Variants in AKAP9 observed in about 807,000 individuals in gnomAD.
AKAP9 encodes the protein A-kinase anchor protein 9.
A neutral mutation model predicts 488.5 loss-of-function variants in AKAP9; 311 were observed. That is an observed-to-expected ratio of 0.64 (90% CI 0.58 to 0.70). AKAP9 has a LOEUF of 0.70. Ranked by LOEUF, AKAP9 falls within the 30% of genes least tolerant of loss-of-function variation. The probability of loss-of-function intolerance (pLI) is 0.00; values close to 1 mark genes in which losing one functional copy is unlikely to be tolerated. For synonymous variants in AKAP9, 1,462 were observed against 1,483.5 expected, an observed-to-expected ratio of 0.99 and a Z score of 0.33; for missense variants, 4,215 against 4,374.5, an observed-to-expected ratio of 0.96 and a Z score of 1.03.
intron 1 of AKAP9, among the ~76,000 whole-genome samples, chr7:91,972,871 G>A (rs1188042626): frequency 6.6e-6 from 1 of 152,196 alleles, no homozygotes; most frequent in African/African-American, 2.4e-5. Flanking sequence ...ATTAAGGGCT[G>A]GAAAGCACTG....
At position 91,988,297 on chromosome 7, in the gene AKAP9, CAAAAAAAA is replaced by C; in HGVS notation, c.352-3840_352-3833del. 3.7e-5 allele frequency among the ~76,000 whole-genome samples: 2 copies of C among 53,674 alleles called. 1 individual carries two copies. The highest frequency in any genetic ancestry group is 4.6e-4 in the Admixed American group (2 of 4,392). 35.2% of individuals were successfully genotyped at this position (53,674 alleles called of 152,430 possible). A position where few individuals can be genotyped will look rare whatever the true frequency, so the allele number is the denominator to read the frequency against. On this transcript the variant is annotated intron_variant, in intron 3 of 49. Coordinates refer to ENST00000356239, the MANE Select transcript of AKAP9 (RefSeq NM_005751.5). ...TTGGTGACAGAGCAAGACCCCCTCTCAAAAAAAAAAAAAAAAAAAAAAAAAAAAGCTAG... is the reference window on the plus strand; with the variant it reads ...TTGGTGACAGAGCAAGACCCCCTCTCAAAAAAAAAAAAAAAAAAAAGCTAG...
intron 22 of AKAP9, 43 bp from the exon 23 acceptor site, chr7:92,061,217 C>T (rs765228423): frequency 6.9e-6 from 11 of 1,603,494 alleles, no homozygotes; most frequent in Non-Finnish European, 9.4e-6. Flanking sequence ...CTAGTATTTC[C>T]ACACTTTATT....
intron 26 of AKAP9, among the ~76,000 whole-genome samples, chr7:92,068,757 A>G (rs1050731527): frequency 3.3e-5 from 5 of 151,706 alleles, no homozygotes; most frequent in East Asian, 1.9e-4. Context: ...CTGACTGCAC[A>G]TATCAGTGAC....
chr7:92,086,000 G>C (rs996148689), intron 36 of AKAP9, among the ~76,000 whole-genome samples: 4 of 152,106 alleles, frequency 2.6e-5, no homozygotes, highest in Non-Finnish European at 5.9e-5. Flanking sequence ...CTACTCAGGA[G>C]AATCGCTTGA....
intron 21 of AKAP9, among the ~76,000 whole-genome samples, chr7:92,049,762 T>G (rs1360845456): frequency 6.6e-6 from 1 of 152,156 alleles, no homozygotes; most frequent in East Asian, 1.9e-4. Context: ...AAAATGTTAT[T>G]AAGAAAATAC....
rs1584285416 is a variant in AKAP9, at chr7:92,042,762, C to G, written c.5153C>G (p.Ser1718Cys). The G allele has an allele frequency of 3.1e-6, 5 of 1,604,460 alleles. No homozygotes were observed. The highest frequency in any genetic ancestry group is 4.3e-6 in the Non-Finnish European group (5 of 1,172,052). ...GAAGATGTGCCTCCTGAGATTTTGT[C>G]TAATGAAAGGTATACAAAATGTGTA... ...KPEDVPPEIL[S>C]NERYALQKAN... is the part of the protein sequence containing the mutation. The change falls in exon 20 of 50, where the codon TCT becomes TGT. Residue 1718 changes from serine to cysteine, a missense_variant. Physicochemically the swap from Ser to Cys is moderately radical, Grantham distance 112. Transcript: ENST00000356239.
In AKAP9 at chr7:91,991,794, A is replaced by T. The variant is rs576757438; in HGVS notation, c.352-364A>T. Among the ~76,000 whole-genome samples, 7 of 152,268 alleles carry T rather than the reference A, an allele frequency of 4.6e-5. No individual in the cohort carries two copies. The South Asian group carries it at 1.4e-3, about 32-fold the overall frequency. ...CCTAAATTGTTTTACTTGAAAATGA[A>T]TAGGGCTTAATAAATAATTATTTGA... On this transcript the variant is annotated intron_variant, in intron 3 of 49. Coordinates refer to ENST00000356239, the MANE Select transcript of AKAP9 (RefSeq NM_005751.5).
chr7:92,002,310 G>T lies in AKAP9; in HGVS notation c.2393G>T (p.Ser798Ile). The T allele has an allele frequency of 1.9e-6, 3 of 1,612,834 alleles. No individual in the cohort carries two copies. Among genetic ancestry groups the T allele is most frequent in the Non-Finnish European group, 2.5e-6 (3 of 1,179,300 alleles). ...ATGTTGAAAATACATACTCCTGTTA[G>T]CCAAGAAGAAAGATTGATTTTCTTA... ...EDMLKIHTPV[S>I]QEERLIFLDS... The change falls in exon 8 of 50, where the codon AGC becomes ATC. Residue 798 changes from serine (S) to isoleucine (I), a missense_variant. Coordinates refer to ENST00000356239, the MANE Select transcript of AKAP9 (RefSeq NM_005751.5).
chr7:92,092,507 G>A (rs1563130095), intron 38 of AKAP9: 3 of 149,738 alleles, frequency 2.0e-5, no homozygotes, highest in Non-Finnish European at 4.5e-5. Flanking sequence ...TCCATTTAAA[G>A]TTTTTTTTTT....
chr7:92,018,426 A>ACACACACT (rs1801834185), intron 12 of AKAP9, among the ~76,000 whole-genome samples: 2 of 135,700 alleles, frequency 1.5e-5, no homozygotes, highest in African/African-American at 5.6e-5. Flanking sequence ...ACACACACAC[A>ACACACACT]CACACACACA....
chr7:91,985,913 C>T (rs1311248122), intron 3 of AKAP9, among the ~76,000 whole-genome samples: 1 of 152,178 alleles, frequency 6.6e-6, no homozygotes, highest in African/African-American at 2.4e-5. Flanking sequence ...TCCTAAAGTA[C>T]TGGGATTACA....
chr7:92,023,018 C>A lies in AKAP9; in HGVS notation c.4148+9C>A. The A allele has an allele frequency of 6.2e-7, 1 of 1,608,624 alleles. No individual in the cohort carries two copies. The highest frequency in any genetic ancestry group is 8.5e-7 in the Non-Finnish European group (1 of 1,175,006). ...TCCACGGTTCCGCCAAGGTATTCAT[C>A]TGCTTATAGCTTCATTCAACAGTAT... On this transcript the variant is annotated intron_variant, in intron 14 of 49. Coordinates refer to ENST00000356239, the MANE Select transcript of AKAP9 (RefSeq NM_005751.5).
chr7:92,088,924 G>A (rs1055192747), intron 37 of AKAP9, among the ~76,000 whole-genome samples: 1 of 152,092 alleles, frequency 6.6e-6, no homozygotes, highest in Non-Finnish European at 1.5e-5. Context: ...ACAGATACAT[G>A]GGAACTTTAG....
chr7:92,102,445 C>A, intron 45 of AKAP9, 149 bp from the exon 46 acceptor site: 5 of 591,386 alleles, frequency 8.5e-6, no homozygotes, highest in East Asian at 6.0e-5. Flanking sequence ...TGCCGTTTTA[C>A]TATTACTACT....
At chr7:92,047,617 TGAA>T (rs1385078904) in intron 21 of AKAP9, among the ~76,000 whole-genome samples, 1 of 152,238 alleles carries the variant, frequency 6.6e-6, no homozygotes, top group Non-Finnish European at 1.5e-5. Flanking sequence ...CATAGTCTAA[TGAA>T]GAAGTCATTG....
At chr7:92,052,427 A>G (rs1808141005) in intron 21 of AKAP9, among the ~76,000 whole-genome samples, 1 of 152,154 alleles carries the variant, frequency 6.6e-6, no homozygotes. Flanking sequence ...CACATAGTGG[A>G]CATGTAGTAA....
chr7:91,988,706 G>T (rs1002833145), intron 3 of AKAP9, among the ~76,000 whole-genome samples: 3 of 152,110 alleles, frequency 2.0e-5, no homozygotes, highest in Non-Finnish European at 4.4e-5. Context: ...AGAGCAGGGG[G>T]ACTTTGGAGC....
intron 22 of AKAP9, among the ~76,000 whole-genome samples, chr7:92,053,940 G>A (rs927794808): frequency 1.6e-4 from 24 of 152,110 alleles, no homozygotes; most frequent in African/African-American, 5.3e-4. Flanking sequence ...TGGATTATTA[G>A]TACAATGTTC....
chr7:91,957,430 A>T (rs767229664), intron 1 of AKAP9, among the ~76,000 whole-genome samples: 1 of 152,220 alleles, frequency 6.6e-6, no homozygotes, highest in Non-Finnish European at 1.5e-5. Flanking sequence ...GTTTCCTAAA[A>T]TATGCAACAT....
Sources: allele counts gnomAD v4.1 joint callset (sites outside exome capture counted in the v4.1 genomes callset), GRCh38; gene constraint gnomAD v4.1.1; transcripts MANE v1.5; gene names NCBI Gene and HGNC (gene_info 2026-07-23, HGNC 2026-07-21).